Variants in SPIN1 observed in about 807,000 individuals in gnomAD.
SPIN1 encodes the protein spindlin-1.
In SPIN1, 3 loss-of-function variants were observed where a neutral mutation model predicts 26.0. That is an observed-to-expected ratio of 0.12 (90% CI 0.05 to 0.30). The LOEUF (loss-of-function observed/expected upper bound fraction) is 0.30, where lower values mean the gene tolerates loss of function less well. Ranked by LOEUF, SPIN1 falls within the 10% of genes least tolerant of loss-of-function variation. The pLI is 1.00. For synonymous variants in SPIN1, 101 were observed against 116.5 expected, an observed-to-expected ratio of 0.87 and a Z score of 0.86; for missense variants, 126 against 333.4, an observed-to-expected ratio of 0.38 and a Z score of 4.84.
At chr9:88,457,498 C>T in intron 3 of SPIN1, among the ~76,000 whole-genome samples, 1 of 151,868 alleles carries the variant, frequency 6.6e-6, no homozygotes, top group East Asian at 1.9e-4. Flanking sequence ...CCACTATACT[C>T]CAGCCTGGGT....
Position 88,475,558 on chromosome 9 carries a change from T to C in SPIN1, c.*281T>C. 1 of 283,516 alleles carries C rather than the reference T, an allele frequency of 3.5e-6. No homozygotes were observed. Among genetic ancestry groups the C allele is most frequent in the Non-Finnish European group, 6.7e-6 (1 of 149,876 alleles). 17.6% of individuals were successfully genotyped at this position (283,516 alleles called of 1,614,324 possible). A position where few individuals can be genotyped will look rare whatever the true frequency, so the allele number is the denominator to read the frequency against. On this transcript the variant is annotated 3_prime_UTR_variant, in exon 6 of 6. Transcript: ENST00000375859. The stretch of plus-strand genomic sequence containing the variant: ...AGCTAGTATCATAGTCATTTAAAAT[T>C]GTAATAGATCTTAACCATTTTCCCC...
intron 1 of SPIN1, among the ~76,000 whole-genome samples, chr9:88,409,456 T>C (rs893221617): frequency 6.6e-6 from 1 of 152,112 alleles, no homozygotes; most frequent in Non-Finnish European, 1.5e-5. Context: ...AGAGGATTTA[T>C]GCTTATTTCT....
chr9:88,461,626 C>T (rs1828577845), intron 3 of SPIN1, among the ~76,000 whole-genome samples: 1 of 152,098 alleles, frequency 6.6e-6, no homozygotes, highest in Non-Finnish European at 1.5e-5. Flanking sequence ...GCTTTATACC[C>T]ATAAAACTGT....
chr9:88,407,026 A>G (rs1827325574), intron 1 of SPIN1, among the ~76,000 whole-genome samples: 1 of 151,900 alleles, frequency 6.6e-6, no homozygotes, highest in Non-Finnish European at 1.5e-5. Context: ...TCCATCTTGT[A>G]ACATTTTCTT....
chr9:88,397,469 CCTTT>C (rs1827091610), intron 1 of SPIN1, among the ~76,000 whole-genome samples: 1 of 152,078 alleles, frequency 6.6e-6, no homozygotes, highest in Non-Finnish European at 1.5e-5. Context: ...GCCTGGAATG[CCTTT>C]CTTTGTTAAC....
In SPIN1 at chr9:88,395,644, C is replaced by T. The variant is rs140007314; in HGVS notation, c.-159+7106C>T. On this transcript the variant is annotated intron_variant, in intron 1 of 5. Coordinates refer to ENST00000375859, the MANE Select transcript of SPIN1 (RefSeq NM_006717.3). ...TTAATTTTTTGTAGAGATGAGGTCT[C>T]ACAGTGTTGCCCAGGATGATCTTGA... Among the ~76,000 whole-genome samples the T allele has an allele frequency of 9.2e-5, 14 of 152,068 alleles. 1 individual carries two copies. Among genetic ancestry groups the T allele is most frequent in the African/African-American group, 3.4e-4 (14 of 41,530 alleles).
At chr9:88,455,723 A>C (rs1248161567) in intron 3 of SPIN1, among the ~76,000 whole-genome samples, 1 of 152,200 alleles carries the variant, frequency 6.6e-6, no homozygotes. Context: ...CATACTTCTA[A>C]TCCCAGCACT....
intron 1 of SPIN1, among the ~76,000 whole-genome samples, chr9:88,411,734 T>A (rs1364669035): frequency 6.6e-6 from 1 of 152,088 alleles, no homozygotes; most frequent in African/African-American, 2.4e-5. Context: ...AGGCTGGTCT[T>A]GAACGCCTGG....
rs907631289 is a variant in SPIN1, at chr9:88,470,651, T to C, written c.589+2046T>C. 6.0e-5 allele frequency among the ~76,000 whole-genome samples: 9 copies of C among 151,210 alleles called. No individual in the cohort carries two copies. The East Asian group carries it at 6.0e-4, about 10-fold the overall frequency. On this transcript the variant is annotated intron_variant, in intron 5 of 5. Coordinates refer to ENST00000375859, the MANE Select transcript of SPIN1 (RefSeq NM_006717.3). ...GCTCTGTCGCCCAGGCTGGAGTGCA[T>C]TGGCGTGATCTCAGCTTACTGCAGC... is the stretch of plus-strand genomic sequence containing the variant.
intron 1 of SPIN1, among the ~76,000 whole-genome samples, chr9:88,394,444 G>A (rs923070324): frequency 6.6e-6 from 1 of 152,180 alleles, no homozygotes; most frequent in Non-Finnish European, 1.5e-5. Flanking sequence ...GCCATGGGAA[G>A]CATACAGATT....
chr9:88,474,764 A>T (rs1441754677), intron 5 of SPIN1, among the ~76,000 whole-genome samples: 2 of 152,202 alleles, frequency 1.3e-5, no homozygotes, highest in Non-Finnish European at 2.9e-5. Flanking sequence ...GAGGTCGGCA[A>T]ACTATGAAAA....
chr9:88,457,866 C>A, intron 3 of SPIN1: 9 of 984,810 alleles, frequency 9.1e-6, no homozygotes, highest in Non-Finnish European at 9.6e-6. Context: ...AAAAACCTTT[C>A]TTGTTTCTAA....
chr9:88,425,981 C>CT (rs1428574460), intron 1 of SPIN1, among the ~76,000 whole-genome samples: 1 of 152,148 alleles, frequency 6.6e-6, no homozygotes, highest in Non-Finnish European at 1.5e-5. Flanking sequence ...CCCCCATACT[C>CT]TGTTTCTTTG....
Position 88,404,808 on chromosome 9 carries a change from C to T in SPIN1, c.-159+16270C>T, listed in dbSNP as rs539788090. On this transcript the variant is annotated intron_variant, in intron 1 of 5. Coordinates refer to ENST00000375859, the MANE Select transcript of SPIN1 (RefSeq NM_006717.3). ...GCAGGCGCCTGTAATCCCAGCTACT[C>T]GGGAGGCTGAGGCAGGAGAATCGCT... is the stretch of plus-strand genomic sequence containing the variant. Among the ~76,000 whole-genome samples the T allele has an allele frequency of 3.4e-3, 517 of 150,554 alleles. 4 individuals carry two copies. The highest frequency in any genetic ancestry group is 0.012 in the African/African-American group (488 of 41,186).
intron 1 of SPIN1, chr9:88,410,548 C>T (rs1827421421): frequency 2.5e-6 from 2 of 810,296 alleles, no homozygotes; most frequent in Non-Finnish European, 2.2e-6. Flanking sequence ...TCTGCTACTG[C>T]CATAGCTACT....
intron 3 of SPIN1, among the ~76,000 whole-genome samples, chr9:88,458,696 G>T (rs1828522258): frequency 6.6e-6 from 1 of 152,118 alleles, no homozygotes; most frequent in South Asian, 2.1e-4. Context: ...CATGAGGAGG[G>T]AAGCGGGGAA....
intron 1 of SPIN1, among the ~76,000 whole-genome samples, chr9:88,402,774 G>C (rs1026928568): frequency 1.3e-5 from 2 of 152,164 alleles, no homozygotes; most frequent in Non-Finnish European, 2.9e-5. Context: ...AAACAGGTGA[G>C]TGTATGTATC....
chr9:88,457,315 A>G (rs1028581471), intron 3 of SPIN1, among the ~76,000 whole-genome samples: 2 of 152,148 alleles, frequency 1.3e-5, no homozygotes, highest in African/African-American at 4.8e-5. Flanking sequence ...GGATCACTTG[A>G]GGCCAGGAGT....
intron 5 of SPIN1, among the ~76,000 whole-genome samples, chr9:88,469,720 A>G (rs2118220932): frequency 6.6e-6 from 1 of 152,140 alleles, no homozygotes; most frequent in Non-Finnish European, 1.5e-5. Flanking sequence ...TATTTTAGAG[A>G]TGGGGTTTCA....
Sources: gnomAD v4.1 joint callset for allele counts (sites outside exome capture counted in the v4.1 genomes callset) on GRCh38, gnomAD v4.1.1 for gene constraint, MANE v1.5 for transcripts, NCBI Gene and HGNC (gene_info 2026-07-23, HGNC 2026-07-21) for gene names.